Variants in RNF217 observed in about 807,000 individuals in gnomAD.
RNF217 encodes the protein ring finger protein 217, also known as E3 ubiquitin-protein ligase RNF217.
In RNF217, 31 loss-of-function variants were observed where a neutral mutation model predicts 57.8. That is an observed-to-expected ratio of 0.54 (90% CI 0.40 to 0.72). The LOEUF (loss-of-function observed/expected upper bound fraction) is 0.72, where lower values mean the gene tolerates loss of function less well. RNF217 is among the 30% of genes least tolerant of loss of function. RNF217 has a pLI of 0.00. For missense variants in RNF217, 696 were observed against 708.3 expected (o/e 0.98, Z 0.20); for synonymous variants, 313 against 294.0 (o/e 1.06, Z -0.66).
chr6:125,080,900 C>T (rs982727815), intron 4 of RNF217, among the ~76,000 whole-genome samples: 4 of 152,034 alleles, frequency 2.6e-5, no homozygotes, highest in East Asian at 1.9e-4. Context: ...CATCTTGAAA[C>T]GTCCCATTTT....
intron 1 of RNF217, among the ~76,000 whole-genome samples, chr6:125,029,265 G>T (rs1158529406): frequency 6.6e-6 from 1 of 151,970 alleles, no homozygotes; most frequent in Non-Finnish European, 1.5e-5. Flanking sequence ...TATTTTGAAG[G>T]TATTAAACAT....
chr6:124,974,071 C>G (rs1362416979), intron 1 of RNF217, among the ~76,000 whole-genome samples: 1 of 152,152 alleles, frequency 6.6e-6, no homozygotes, highest in East Asian at 1.9e-4. Context: ...TCCCCCGGAG[C>G]CAGCATCCCA....
At position 125,087,403 on chromosome 6, in the gene RNF217, A is replaced by G. The variant is rs542491056; in HGVS notation, c.*4466A>G. The G allele has an allele frequency of 7.0e-4, 106 of 152,256 alleles. No individual in the cohort carries two copies. Among genetic ancestry groups the G allele is most frequent in the African/African-American group, 2.5e-3 (105 of 41,564 alleles). 9.4% of individuals were successfully genotyped at this position (152,256 alleles called of 1,614,324 possible). On this transcript the variant is annotated 3_prime_UTR_variant, in exon 6 of 6. Coordinates refer to ENST00000521654, the MANE Select transcript of RNF217 (RefSeq NM_001286398.3). Reference sequence around the variant, plus strand: ...TTATTCTCCCATATTTGTGGCTGAAATCTCTCCCAACTATTGAGAGTGATC... The same window carrying G: ...TTATTCTCCCATATTTGTGGCTGAAGTCTCTCCCAACTATTGAGAGTGATC...
At chr6:125,021,268 C>CTT (rs3080911) in intron 1 of RNF217, among the ~76,000 whole-genome samples, 2 of 130,262 alleles carry the variant, frequency 1.5e-5, no homozygotes, top group African/African-American at 5.6e-5. Flanking sequence ...ATGGAAAAAG[C>CTT]TTTTTTTTTT....
At position 124,962,495 on chromosome 6, in the gene RNF217, G is replaced by C. The variant is rs2114961187; in HGVS notation, c.-50G>C. The C allele has an allele frequency of 6.0e-5, 57 of 956,066 alleles. No homozygotes were observed. Among genetic ancestry groups the C allele is most frequent in the Non-Finnish European group, 7.5e-5 (57 of 764,486 alleles). 59.2% of individuals were successfully genotyped at this position (956,066 alleles called of 1,614,324 possible). A position where few individuals can be genotyped will look rare whatever the true frequency, so the allele number is the denominator to read the frequency against. On this transcript the variant is annotated 5_prime_UTR_variant, in exon 1 of 6. Coordinates refer to ENST00000521654, the MANE Select transcript of RNF217 (RefSeq NM_001286398.3). This position sits in a 1 kb window ranked among gnomAD's most constrained non-coding sequence, Gnocchi z 4.6. ...CCCCCGCTGCCCGCGGGCGCCGGGT[G>C]GGGGTCCCGGCGGCTGGATGGGCAG...
chr6:125,023,137 T>TA (rs1785912051), intron 1 of RNF217, among the ~76,000 whole-genome samples: 1 of 152,144 alleles, frequency 6.6e-6, no homozygotes, highest in African/African-American at 2.4e-5. Context: ...GATCACCTGA[T>TA]ACAGTTTTGA....
intron 1 of RNF217, among the ~76,000 whole-genome samples, chr6:124,973,591 G>A (rs1227470361): frequency 6.6e-6 from 1 of 152,094 alleles, no homozygotes; most frequent in Non-Finnish European, 1.5e-5. Context: ...AAAAAGTAAG[G>A]TAACTATTTG....
At chr6:125,038,964 T>G (rs1786764746) in intron 1 of RNF217, among the ~76,000 whole-genome samples, 1 of 152,094 alleles carries the variant, frequency 6.6e-6, no homozygotes, top group Non-Finnish European at 1.5e-5. Context: ...GCATTAGCTG[T>G]TTCTCCTAAT....
At chr6:125,018,328 T>A (rs1423157220) in intron 1 of RNF217, among the ~76,000 whole-genome samples, 1 of 152,230 alleles carries the variant, frequency 6.6e-6, no homozygotes, top group Admixed American at 6.5e-5. Context: ...GGCACTGGTA[T>A]TGAGCAAGAA....
rs780933866 is a variant in RNF217 at position 124,990,961 on chromosome 6, C to T, written c.882+27535C>T. Among the ~76,000 whole-genome samples, 13 of 152,160 alleles carry T rather than the reference C, an allele frequency of 8.5e-5. No homozygotes were observed. In the South Asian group the frequency reaches 1.7e-3, roughly 19 times the overall value. On this transcript the variant is annotated intron_variant, in intron 1 of 5. Transcript: ENST00000521654. ...GCTCATTCCTGTAGTCCTAGCTACC[C>T]GAGAGGGAGGTGGGAAGATCACATG...
At chr6:125,066,076 A>C (rs1787927507) in intron 3 of RNF217, among the ~76,000 whole-genome samples, 1 of 152,086 alleles carries the variant, frequency 6.6e-6, no homozygotes, top group African/African-American at 2.4e-5. Context: ...GTGAGTCATT[A>C]AGTTTTGTAG....
At position 125,028,300 on chromosome 6, in the gene RNF217, CAAAG is replaced by C. The variant is rs754557637; in HGVS notation, c.883-16909_883-16906del. Among the ~76,000 whole-genome samples, 445 of 152,200 alleles carry C rather than the reference CAAAG, an allele frequency of 2.9e-3. 2 individuals are homozygous for C. The highest frequency in any genetic ancestry group is 5.5e-3 in the Non-Finnish European group (377 of 67,966). On this transcript the variant is annotated intron_variant, in intron 1 of 5. Coordinates refer to ENST00000521654, the MANE Select transcript of RNF217 (RefSeq NM_001286398.3). ...CAACAATGCACAGGTGAACAACACA[CAAAG>C]ATAATTTGAGGACCCCAAGATAGGA...
At chr6:124,999,599 T>C (rs953026979) in intron 1 of RNF217, among the ~76,000 whole-genome samples, 4 of 152,144 alleles carry the variant, frequency 2.6e-5, no homozygotes, top group Non-Finnish European at 5.9e-5. Flanking sequence ...AGCCAGGTGA[T>C]CTATCTGTGC....
In RNF217 at chr6:125,086,426, G is replaced by A. The variant is rs1266026115; in HGVS notation, c.*3489G>A. ...TGAGGGATTTAAATCAAATACCCAA[G>A]CCAAATTGGTGATACTTTTCGCATT... On this transcript the variant is annotated 3_prime_UTR_variant, in exon 6 of 6. Coordinates refer to ENST00000521654, the MANE Select transcript of RNF217 (RefSeq NM_001286398.3). 6.6e-6 allele frequency: 1 copy of A among 151,998 alleles called. No homozygotes were observed. Among genetic ancestry groups the A allele is most frequent in the Non-Finnish European group, 1.5e-5 (1 of 67,956 alleles). 9.4% of individuals were successfully genotyped at this position (151,998 alleles called of 1,614,324 possible).
rs150905090 is a variant in RNF217 at position 125,024,362 on chromosome 6, C to T, written c.883-20849C>T. ...CTTTGGGAGGCTGAGGCAGGCGGAT[C>T]ACCTGAGCTCAGGAGTTCGAGACCA... On this transcript the variant is annotated intron_variant, in intron 1 of 5. Transcript: ENST00000521654. 8.6e-4 allele frequency among the ~76,000 whole-genome samples: 131 copies of T among 151,976 alleles called. 5 individuals carry two copies. The East Asian group carries it at 0.025, about 29-fold the overall frequency.
At chr6:125,053,656 T>C (rs952649581) in intron 2 of RNF217, among the ~76,000 whole-genome samples, 2 of 152,086 alleles carry the variant, frequency 1.3e-5, no homozygotes, top group Non-Finnish European at 2.9e-5. Context: ...ACTTGATGAA[T>C]TATCAGGAGA....
At chr6:125,020,112 CAG>C (rs1785777913) in intron 1 of RNF217, among the ~76,000 whole-genome samples, 1 of 152,328 alleles carries the variant, frequency 6.6e-6, no homozygotes, top group East Asian at 1.9e-4. Context: ...GAACTTCAGA[CAG>C]AGCTGTTCAC....
At chr6:125,048,820 G>C (rs932398888) in intron 2 of RNF217, among the ~76,000 whole-genome samples, 1 of 151,926 alleles carries the variant, frequency 6.6e-6, no homozygotes. Flanking sequence ...TGTCCTTCCA[G>C]GCCCAACACC....
intron 1 of RNF217, among the ~76,000 whole-genome samples, chr6:125,002,762 C>T (rs1405648306): frequency 6.6e-6 from 1 of 152,070 alleles, no homozygotes; most frequent in Non-Finnish European, 1.5e-5. Context: ...AAACTTTTCC[C>T]CATTACATTA....
Sources: allele counts gnomAD v4.1 joint callset (sites outside exome capture counted in the v4.1 genomes callset), GRCh38; gene constraint gnomAD v4.1.1; non-coding constraint Gnocchi (gnomAD v3.1); transcripts MANE v1.5; gene names NCBI Gene and HGNC (gene_info 2026-07-23, HGNC 2026-07-21).